XDH: variants seen among roughly 807,000 people sequenced by gnomAD.
XDH encodes the protein xanthine dehydrogenase/oxidase.
A neutral mutation model predicts 156.1 loss-of-function variants in XDH; 138 were observed. The observed-to-expected ratio is 0.88, with a 90% CI of 0.77 to 1.02. The LOEUF (loss-of-function observed/expected upper bound fraction) is 1.02, where lower values mean the gene tolerates loss of function less well. Ranked by LOEUF, XDH falls within the 50% of genes least tolerant of loss-of-function variation. The pLI, the probability that XDH is intolerant of heterozygous loss-of-function variation, is 0.00. For missense variants in XDH, 1,849 were observed against 1,684.9 expected (o/e 1.10, Z -1.71); for synonymous variants, 669 against 625.7 (o/e 1.07, Z -1.03).
chr2:31,341,953 A>G (rs551303709), intron 32 of XDH, among the ~76,000 whole-genome samples: 1 of 152,232 alleles, frequency 6.6e-6, no homozygotes, highest in Non-Finnish European at 1.5e-5. Context: ...CAAGCTGTCT[A>G]TGACTGCTGT....
At chr2:31,336,758 C>G (rs559713792) in intron 35 of XDH, among the ~76,000 whole-genome samples, 33 of 145,594 alleles carry the variant, frequency 2.3e-4, no homozygotes, top group Admixed American at 1.1e-3. Flanking sequence ...GTGCCCTCCC[C>G]ACTTGGGACC....
intron 1 of XDH, among the ~76,000 whole-genome samples, chr2:31,410,426 A>G (rs1369504490): frequency 6.6e-6 from 1 of 152,204 alleles, no homozygotes; most frequent in African/African-American, 2.4e-5. Flanking sequence ...ATATCAATGG[A>G]TACTCAAATT....
At position 31,398,732 on chromosome 2, in the gene XDH, T is replaced by C. The variant is rs10175754; in HGVS notation, c.307-33A>G. ...ATACAGATGACATAGACACCTGGGA[T>C]GGCAGAACCCTCCCAGGCTCCCCAA... On this transcript the variant is annotated intron_variant, in intron 4 of 35. Transcript: ENST00000379416. 0.15 allele frequency: 239,315 copies of C among 1,612,096 alleles called. 19,049 individuals are homozygous for C. Among genetic ancestry groups the C allele is most frequent in the Middle Eastern group, 0.18 (1,101 of 5,974 alleles).
At chr2:31,383,706 TC>T in intron 10 of XDH, 48 bp downstream of exon 10, 1 of 1,572,076 alleles carries the variant, frequency 6.4e-7, no homozygotes. Context: ...TTGTAACCTA[TC>T]CCCAGCCTCA....
chr2:31,348,388 C>T (rs1177498430), intron 27 of XDH, 25 bp from the exon 28 acceptor site: 5 of 1,609,164 alleles, frequency 3.1e-6, no homozygotes, highest in Non-Finnish European at 3.4e-6. Context: ...GGATGCCAGA[C>T]ACAAAATTCA....
At chr2:31,348,232 A>G in intron 28 of XDH, 36 bp downstream of exon 28, 1 of 1,605,050 alleles carries the variant, frequency 6.2e-7, no homozygotes, top group South Asian at 1.1e-5. Context: ...ACTTCCTCTA[A>G]CAACGGACAC....
At chr2:31,392,051 G>A (rs952283244) in intron 6 of XDH, among the ~76,000 whole-genome samples, 1 of 152,160 alleles carries the variant, frequency 6.6e-6, no homozygotes, top group Non-Finnish European at 1.5e-5. Context: ...ATCTTTCAAG[G>A]AATTGTTTTA....
At chr2:31,370,831 CT>C (rs1330390769) in intron 17 of XDH, among the ~76,000 whole-genome samples, 2 of 152,154 alleles carry the variant, frequency 1.3e-5, no homozygotes, top group Non-Finnish European at 2.9e-5. Context: ...AAGATCCTGT[CT>C]CCATTTAAAA....
At chr2:31,387,680 G>A (rs765706659) in intron 8 of XDH, 131 bp downstream of exon 8, 47 of 874,204 alleles carry the variant, frequency 5.4e-5, no homozygotes, top group Non-Finnish European at 7.4e-5. Context: ...GTCAGAAAAT[G>A]GAAGGGAAAT....
Position 31,375,471 on chromosome 2 carries a change from A to G in XDH, c.1511T>C (p.Met504Thr), listed in dbSNP as rs372497202. The part of the protein sequence containing the change: ...LHLPPDAPGG[M>T]VDFRCTLTLS... The stretch of plus-strand genomic sequence containing the variant: ...GGTGAGGGTGCACCGGAAGTCCACC[A>G]TGCCACCAGGGGCATCGGGAGGCAG... Residue 504 changes from methionine (M) to threonine (T), a missense_variant, in exon 15 of 36, where the codon ATG becomes ACG. Physicochemically the swap from Met to Thr is moderately conservative, Grantham distance 81. Transcript: ENST00000379416. 28 of 1,614,072 alleles carry G rather than the reference A, an allele frequency of 1.7e-5. No individual in the cohort carries two copies. In the African/African-American group the frequency reaches 3.3e-4, roughly 19 times the overall value.
chr2:31,340,781 ATTC>A (rs1312698924), intron 33 of XDH, among the ~76,000 whole-genome samples: 19 of 152,108 alleles, frequency 1.2e-4, no homozygotes, highest in African/African-American at 4.6e-4. Context: ...TATTTCACCT[ATTC>A]TTCATAGTAA....
At position 31,398,839 on chromosome 2, in the gene XDH, T is replaced by C. The variant is rs1159222974; in HGVS notation, c.307-140A>G. 2.2e-6 allele frequency: 3 copies of C among 1,393,480 alleles called. No homozygotes were observed. In the African/African-American group the frequency reaches 4.3e-5, roughly 20 times the overall value. 86.3% of individuals were successfully genotyped at this position (1,393,480 alleles called of 1,614,324 possible). On this transcript the variant is annotated intron_variant, in intron 4 of 35. Transcript: ENST00000379416. ...CAGAGTCAAGCCCCAGTGCCACCAT[T>C]TACCAACTGTGACCTTGGCCAGTTT...
chr2:31,405,785 C>G (rs1687175953), intron 2 of XDH, 122 bp downstream of exon 2: 2 of 1,052,408 alleles, frequency 1.9e-6, no homozygotes, highest in South Asian at 2.6e-5. Flanking sequence ...AAGTCCTAAT[C>G]CAGTGCTCTT....
intron 31 of XDH, 35 bp from the exon 32 acceptor site, chr2:31,342,332 T>A: frequency 6.4e-7 from 1 of 1,555,508 alleles, no homozygotes; most frequent in Non-Finnish European, 8.9e-7. Flanking sequence ...GCACATGTAT[T>A]AACATGAACA....
Position 31,403,225 on chromosome 2 carries a change from G to A in XDH, c.101-81C>T. 2.0e-6 allele frequency: 3 copies of A among 1,485,542 alleles called. No individual in the cohort carries two copies. The Admixed American group carries it at 5.2e-5, about 26-fold the overall frequency. 92.0% of individuals were successfully genotyped at this position (1,485,542 alleles called of 1,614,324 possible). On this transcript the variant is annotated intron_variant, in intron 2 of 35. Transcript: ENST00000379416. The stretch of plus-strand genomic sequence containing the variant: ...CTAGGAAATGCCTGGGCAGAGCTGT[G>A]GGCAGAGCCATTCATTCCCACACGT...
intron 15 of XDH, among the ~76,000 whole-genome samples, chr2:31,374,912 G>T (rs1686185663): frequency 6.6e-6 from 1 of 151,744 alleles, no homozygotes; most frequent in African/African-American, 2.4e-5. Context: ...GGATTCCACG[G>T]CCTCCTGGCT....
chr2:31,353,546 G>A (rs1685543766), intron 24 of XDH, among the ~76,000 whole-genome samples: 1 of 152,200 alleles, frequency 6.6e-6, no homozygotes, highest in African/African-American at 2.4e-5. Context: ...GGAATGACAT[G>A]ATGGTGAGTT....
intron 1 of XDH, among the ~76,000 whole-genome samples, chr2:31,408,340 T>C (rs1363232697): frequency 6.6e-6 from 1 of 152,242 alleles, no homozygotes; most frequent in Non-Finnish European, 1.5e-5. Context: ...CTATAGAGAA[T>C]GACTGTGCCA....
At position 31,339,649 on chromosome 2, in the gene XDH, C is replaced by T; in HGVS notation, c.3614G>A (p.Gly1205Asp). 1.9e-6 allele frequency: 3 copies of T among 1,614,134 alleles called. No individual in the cohort carries two copies. The highest frequency in any genetic ancestry group is 2.5e-6 in the Non-Finnish European group (3 of 1,180,012). Residue 1205 changes from glycine (G) to aspartate (D), a missense_variant, in exon 34 of 36, where the codon GGC becomes GAC. Coordinates refer to ENST00000379416, the MANE Select transcript of XDH (RefSeq NM_000379.4). ...QVEGAFVQGL[G>D]LFTLEELHYS... Reference sequence around the variant, plus strand: ...GTGTAGCTCCTCTAGGGTGAAGAGGCCAAGGCCCTGGACAAATGCCCCTTC... The same window carrying T: ...GTGTAGCTCCTCTAGGGTGAAGAGGTCAAGGCCCTGGACAAATGCCCCTTC...
Sources: gnomAD v4.1 joint callset for allele counts (sites outside exome capture counted in the v4.1 genomes callset) on GRCh38, gnomAD v4.1.1 for gene constraint, MANE v1.5 for transcripts, NCBI Gene and HGNC (gene_info 2026-07-23, HGNC 2026-07-21) for gene names.